MTMR4: variants seen among roughly 807,000 people sequenced by gnomAD.
The protein encoded by MTMR4 is myotubularin related protein 4.
MTMR4 carries 30 observed loss-of-function variants against 125.5 expected under a neutral mutation model. The ratio of observed to expected loss-of-function variants is 0.24; its 90% CI spans 0.18 to 0.32. MTMR4 has a LOEUF of 0.32. Ranked by LOEUF, MTMR4 falls within the 10% of genes least tolerant of loss-of-function variation. The pLI is 1.00. For missense variants in MTMR4, 1,039 were observed against 1,511.5 expected (o/e 0.69, Z 5.18); for synonymous variants, 498 against 564.5 (o/e 0.88, Z 1.67).
chr17:58,498,219 C>T lies in MTMR4; in HGVS notation c.1854-1889G>A, dbSNP rs150252056. 1.4e-3 allele frequency among the ~76,000 whole-genome samples: 211 copies of T among 152,152 alleles called. 2 individuals carry two copies. The highest frequency in any genetic ancestry group is 4.9e-3 in the African/African-American group (202 of 41,492). Reference sequence around the variant, plus strand: ...CACCACTATATTCCAGCCTGGGTGACAGAGCAAGACTCTGTCTCAAACAAC... The same window carrying T: ...CACCACTATATTCCAGCCTGGGTGATAGAGCAAGACTCTGTCTCAAACAAC... On this transcript the variant is annotated intron_variant, in intron 14 of 17. Transcript: ENST00000682306.
intron 14 of MTMR4, among the ~76,000 whole-genome samples, chr17:58,499,242 T>A (rs12451115): frequency 0.052 from 7,573 of 144,804 alleles, 439 homozygotes; most frequent in Admixed American, 0.17. Context: ...CTTTTTTTTT[T>A]AAAAAAAAAA....
chr17:58,490,951 A>C lies in MTMR4; in HGVS notation c.*712T>G, dbSNP rs1370458678. The C allele has an allele frequency of 1.3e-5, 2 of 152,624 alleles. No individual in the cohort carries two copies. Among genetic ancestry groups the C allele is most frequent in the Non-Finnish European group, 2.9e-5 (2 of 68,064 alleles). The allele number at this position is 152,624 out of a possible 1,614,324, so 9.5% of individuals were successfully genotyped here. A position where few individuals can be genotyped will look rare whatever the true frequency, so the allele number is the denominator to read the frequency against. On this transcript the variant is annotated 3_prime_UTR_variant, in exon 18 of 18. Transcript: ENST00000682306. The stretch of plus-strand genomic sequence containing the variant: ...ACGACTGCCTTCACAGCTCAAAATA[A>C]CTCAATGTTTGCCAGGACCGAACAT...
chr17:58,503,225 C>T (rs1190930262), intron 14 of MTMR4, among the ~76,000 whole-genome samples: 1 of 152,208 alleles, frequency 6.6e-6, no homozygotes, highest in Non-Finnish European at 1.5e-5. Flanking sequence ...GTGATAGCAG[C>T]TCCTCCAGGA....
At chr17:58,507,079 GA>G in intron 8 of MTMR4, 43 bp downstream of exon 8, 1 of 1,610,568 alleles carries the variant, frequency 6.2e-7, no homozygotes, top group Non-Finnish European at 8.5e-7. Context: ...TGAAGCCAAG[GA>G]GGGGGCCTGC....
intron 14 of MTMR4, among the ~76,000 whole-genome samples, chr17:58,499,321 C>T (rs933920214): frequency 4.6e-5 from 7 of 151,396 alleles, no homozygotes; most frequent in South Asian, 2.1e-4. Flanking sequence ...CCAAGGTGAG[C>T]GGATCACTTG....
chr17:58,495,699 A>G lies in MTMR4; in HGVS notation c.2485T>C (p.Cys829Arg), dbSNP rs1975445758. The G allele has an allele frequency of 2.5e-6, 4 of 1,614,076 alleles. No homozygotes were observed. Among genetic ancestry groups the G allele is most frequent in the Middle Eastern group, 1.6e-4 (1 of 6,084 alleles). The part of the protein sequence containing the change: ...CVLDHSLSTV[C>R]NPPSAACQTP... ...TGGCAGGCAGCACTCGGTGGGTTGCAAACGGTGCTGAGGCTGTGATCAAGA... is the reference window on the plus strand; with the variant it reads ...TGGCAGGCAGCACTCGGTGGGTTGCGAACGGTGCTGAGGCTGTGATCAAGA... Residue 829 changes from cysteine to arginine, a missense_variant, in exon 15 of 18, where the codon TGC becomes CGC. Physicochemically the swap from Cys to Arg is radical, Grantham distance 180. Transcript: ENST00000682306.
At chr17:58,494,281 A>G (rs1975393292) in intron 15 of MTMR4, among the ~76,000 whole-genome samples, 1 of 147,624 alleles carries the variant, frequency 6.8e-6, no homozygotes, top group Admixed American at 7.0e-5. Context: ...AGATTGCACG[A>G]CTGCACTCCA....
chr17:58,497,649 G>C (rs1975506699), intron 14 of MTMR4, among the ~76,000 whole-genome samples: 1 of 152,144 alleles, frequency 6.6e-6, no homozygotes, highest in South Asian at 2.1e-4. Context: ...TGTCTTATTT[G>C]AATCCCCAGC....
chr17:58,492,043 C>T (rs1975328439), intron 17 of MTMR4, among the ~76,000 whole-genome samples: 1 of 152,024 alleles, frequency 6.6e-6, no homozygotes, highest in African/African-American at 2.4e-5. Flanking sequence ...TTAAGAAATG[C>T]CAATATACTG....
At chr17:58,515,473 T>C (rs1976062337), upstream of MTMR4, among the ~76,000 whole-genome samples, 1 of 152,178 alleles carries the variant, frequency 6.6e-6, no homozygotes, top group East Asian at 1.9e-4. Context: ...AAACCTGACA[T>C]TTTATTAAGC....
chr17:58,504,562 C>A lies in MTMR4; in HGVS notation c.1342-74G>T. 1 of 1,517,540 alleles carries A rather than the reference C, an allele frequency of 6.6e-7. No individual in the cohort carries two copies. Among genetic ancestry groups the A allele is most frequent in the Non-Finnish European group, 8.9e-7 (1 of 1,125,136 alleles). The allele number at this position is 1,517,540 out of a possible 1,614,324, so 94.0% of individuals were successfully genotyped here. A position where few individuals can be genotyped will look rare whatever the true frequency, so the allele number is the denominator to read the frequency against. ...ATGTGCTACTCCCCTGGGAACTGCC[C>A]AAAGCAGGAAGCTGGCAGCTTCAAA... On this transcript the variant is annotated intron_variant, in intron 11 of 17. Coordinates refer to ENST00000682306, the MANE Select transcript of MTMR4 (RefSeq NM_001378067.1). This position sits in a 1 kb window ranked among gnomAD's most constrained non-coding sequence, Gnocchi z 7.1.
Position 58,495,689 on chromosome 17 carries a change from G to A in MTMR4, c.2495C>T (p.Pro832Leu), listed in dbSNP as rs752772810. Residue 832 changes from proline to leucine, a missense_variant, in exon 15 of 18, where the codon CCG (proline) becomes CTG (leucine). Coordinates refer to ENST00000682306, the MANE Select transcript of MTMR4 (RefSeq NM_001378067.1). ...DHSLSTVCNP[P>L]SAACQTPLDP... is the part of the protein sequence containing the mutation. The stretch of plus-strand genomic sequence containing the variant: ...TAGAGGAGTTTGGCAGGCAGCACTC[G>A]GTGGGTTGCAAACGGTGCTGAGGCT... The A allele has an allele frequency of 1.4e-5, 22 of 1,614,094 alleles. No individual in the cohort carries two copies. Among genetic ancestry groups the A allele is most frequent in the South Asian group, 2.2e-5 (2 of 91,086 alleles).
intron 3 of MTMR4, 87 bp from the exon 4 acceptor site, chr17:58,511,598 T>C (rs565519375): frequency 9.3e-5 from 105 of 1,129,632 alleles, no homozygotes; most frequent in Non-Finnish European, 1.2e-4. Context: ...AATGTATCAA[T>C]AGCAGGAAGG....
chr17:58,495,204 G>A lies in MTMR4; in HGVS notation c.2980C>T (p.Gln994Ter). Residue 994 changes from glutamine to a stop codon, truncating the protein, a stop_gained, in exon 15 of 18, where the codon CAG becomes TAG. Transcript: ENST00000682306. LOFTEE classifies it high-confidence loss of function. ...GHCTGPGGKN[Q>*]MWLSSHPKQV... The stretch of plus-strand genomic sequence containing the variant: ...TTTGGATGACTGGACAACCACATCT[G>A]GTTCTTTCCTCCTGGGCCAGTACAA... The A allele has an allele frequency of 6.2e-7, 1 of 1,614,174 alleles. No homozygotes were observed. The highest frequency in any genetic ancestry group is 8.5e-7 in the Non-Finnish European group (1 of 1,180,036).
intron 14 of MTMR4, among the ~76,000 whole-genome samples, chr17:58,497,097 C>T (rs1308778261): frequency 6.6e-6 from 1 of 152,148 alleles, no homozygotes; most frequent in Non-Finnish European, 1.5e-5. Context: ...GAGTGACCAT[C>T]CTGATTATTA....
Position 58,503,878 on chromosome 17 carries a change from A to G in MTMR4, c.1719T>C (p.His573=). The G allele has an allele frequency of 3.7e-6, 6 of 1,614,074 alleles. No homozygotes were observed. Among genetic ancestry groups the G allele is most frequent in the Non-Finnish European group, 5.1e-6 (6 of 1,179,986 alleles). ...SSDMVLHPVC[H]VRALHLWTAV... ...CTGTCCAGAGGTGCAGGGCCCGGAC[A>G]TGACAAACAGGATGCAGGACCTAGG... The change falls in exon 14 of 18, where the codon CAT becomes CAC. Residue 573 remains histidine, a synonymous_variant. Transcript: ENST00000682306.
At chr17:58,514,337 C>T in intron 1 of MTMR4, 26 bp downstream of exon 1, 1 of 988,242 alleles carries the variant, frequency 1.0e-6, no homozygotes, top group Non-Finnish European at 1.2e-6. Context: ...GCCTCCTAGG[C>T]CCCCAAAGGC....
Position 58,508,231 on chromosome 17 carries a change from T to C in MTMR4, c.637A>G (p.Ile213Val). Reference sequence around the variant, plus strand: ...ACGTTCTCCAGCTCTTTGTCAGTGATCCACACAGGAACCAGCAGCTTCTGG... The same window carrying C: ...ACGTTCTCCAGCTCTTTGTCAGTGACCCACACAGGAACCAGCAGCTTCTGG... Reference protein sequence around the residue: ...YPQKLLVPVWITDKELENVAS... With the variant: ...YPQKLLVPVWVTDKELENVAS... Residue 213 changes from isoleucine to valine, a missense_variant, in exon 7 of 18, where the codon ATC becomes GTC. Ile to Val is a conservative substitution (Grantham distance 29). Coordinates refer to ENST00000682306, the MANE Select transcript of MTMR4 (RefSeq NM_001378067.1). This position sits in a 1 kb window ranked among gnomAD's most constrained non-coding sequence, Gnocchi z 4.8. 3.1e-6 allele frequency: 5 copies of C among 1,613,994 alleles called. No individual in the cohort carries two copies. The highest frequency in any genetic ancestry group is 4.2e-6 in the Non-Finnish European group (5 of 1,180,014).
At position 58,508,708 on chromosome 17, in the gene MTMR4, C is replaced by T. The variant is rs766948448; in HGVS notation, c.469G>A (p.Asp157Asn). 2 of 1,614,200 alleles carry T rather than the reference C, an allele frequency of 1.2e-6. No individual in the cohort carries two copies. Among genetic ancestry groups the T allele is most frequent in the South Asian group, 1.1e-5 (1 of 91,082 alleles). The change falls in exon 5 of 18, where the codon GAC (aspartate) becomes AAC (asparagine). Residue 157 changes from aspartate (D) to asparagine (N), a missense_variant. Physicochemically the swap from Asp to Asn is conservative, Grantham distance 23. Transcript: ENST00000682306. The surrounding 1 kb of genome is among the most constrained non-coding windows in gnomAD (Gnocchi z 4.8). Reference protein sequence around the residue: ...HAWCLGLTEEDQHTHLCQPGE... With the variant: ...HAWCLGLTEENQHTHLCQPGE... ...GGCTGACATAGGTGAGTGTGCTGGTCCTCCTCGGTCAGCCCCAGGCACCAG... is the reference window on the plus strand; with the variant it reads ...GGCTGACATAGGTGAGTGTGCTGGTTCTCCTCGGTCAGCCCCAGGCACCAG...
Sources: gnomAD v4.1 joint callset for allele counts (sites outside exome capture counted in the v4.1 genomes callset) on GRCh38, gnomAD v4.1.1 for gene constraint, Gnocchi (gnomAD v3.1) non-coding constraint, MANE v1.5 for transcripts, NCBI Gene and HGNC (gene_info 2026-07-23, HGNC 2026-07-21) for gene names.